The following TXNDC8 variants were observed in gnomAD, a reference collection of about 807,000 sequenced individuals.
TXNDC8 encodes the protein thioredoxin domain containing 8, also known as thioredoxin domain-containing protein 8.
In TXNDC8, 15 loss-of-function variants were observed where a neutral mutation model predicts 12.9. That is an observed-to-expected ratio of 1.16 (90% CI 0.78 to 1.79). The LOEUF (loss-of-function observed/expected upper bound fraction) is 1.79. Ranked by LOEUF, TXNDC8 falls within the 40% of genes most tolerant of loss-of-function variation. The pLI, the probability that TXNDC8 is intolerant of heterozygous loss-of-function variation, is 0.00. For missense variants in TXNDC8, 128 were observed against 113.2 expected, an observed-to-expected ratio of 1.13 and a Z score of -0.59; for synonymous variants, 40 against 35.4, an observed-to-expected ratio of 1.13 and a Z score of -0.46.
intron 3 of TXNDC8, among the ~76,000 whole-genome samples, chr9:110,306,810 A>G (rs10816965): frequency 0.12 from 17,689 of 152,242 alleles, 1,135 homozygotes; most frequent in African/African-American, 0.17. Flanking sequence ...AGTAACTCAT[A>G]GAGCCTTCCT....
At chr9:110,329,102 G>T in intron 2 of TXNDC8, 130 bp downstream of exon 3, 1 of 761,180 alleles carries the variant, frequency 1.3e-6, no homozygotes, top group Non-Finnish European at 2.2e-6. Flanking sequence ...GTTTACTGTA[G>T]TTATTAGAAA....
In TXNDC8 at chr9:110,336,525, C is replaced by T. The variant is rs764993074; in HGVS notation, c.24+1248G>A. On this transcript the variant is annotated intron_variant, in intron 1 of 4. Transcript: ENST00000423740. ...GACCCATGAACTTGACTTGACTAAA[C>T]TATCTGAAGGGAATACTCTCATAGT... Among the ~76,000 whole-genome samples the T allele has an allele frequency of 2.6e-5, 4 of 152,232 alleles. No homozygotes were observed. The East Asian group carries it at 7.7e-4, about 29-fold the overall frequency.
chr9:110,330,712 G>A (rs72759057), intron 2 of TXNDC8, among the ~76,000 whole-genome samples: 3,392 of 152,198 alleles, frequency 0.022, 52 homozygotes, highest in Non-Finnish European at 0.037. Flanking sequence ...GGAACTAGTT[G>A]CCCATCTGTT....
chr9:110,330,474 C>A (rs534904193), intron 2 of TXNDC8, among the ~76,000 whole-genome samples: 2 of 152,290 alleles, frequency 1.3e-5, no homozygotes, highest in African/African-American at 4.8e-5. Context: ...CTTTTTGAGG[C>A]TCATTTTTTG....
intron 3 of TXNDC8, among the ~76,000 whole-genome samples, chr9:110,316,537 G>A (rs1423326258): frequency 6.6e-6 from 1 of 152,100 alleles, no homozygotes; most frequent in Non-Finnish European, 1.5e-5. Context: ...TAAAGTTTTT[G>A]GAGGAGCTAA....
At chr9:110,313,915 A>T (rs1478175664) in intron 3 of TXNDC8, among the ~76,000 whole-genome samples, 1 of 152,218 alleles carries the variant, frequency 6.6e-6, no homozygotes, top group Admixed American at 6.5e-5. Flanking sequence ...ATGAGAGATC[A>T]GATGAAACCT....
At chr9:110,320,723 G>A (rs187344980) in intron 3 of TXNDC8, among the ~76,000 whole-genome samples, 18 of 152,324 alleles carry the variant, frequency 1.2e-4, no homozygotes, top group African/African-American at 3.8e-4. Flanking sequence ...TCCAATTTAT[G>A]AACAACTTAC....
intron 3 of TXNDC8, among the ~76,000 whole-genome samples, chr9:110,321,467 G>T (rs1049021703): frequency 7.2e-5 from 11 of 152,158 alleles, no homozygotes; most frequent in Non-Finnish European, 1.5e-5. Flanking sequence ...GTGGCTCTTT[G>T]CCAGATGTTT....
intron 2 of TXNDC8, among the ~76,000 whole-genome samples, chr9:110,331,615 C>G (rs1003141444): frequency 2.0e-5 from 3 of 151,872 alleles, no homozygotes; most frequent in African/African-American, 7.3e-5. Context: ...ATACCAGGGA[C>G]CAGTTTCATG....
At chr9:110,318,694 T>C (rs1196855652) in intron 3 of TXNDC8, among the ~76,000 whole-genome samples, 3 of 151,488 alleles carry the variant, frequency 2.0e-5, no homozygotes, top group East Asian at 1.9e-4. Flanking sequence ...GCTGAGATAG[T>C]GCCACTGCCC....
At chr9:110,314,425 C>CT (rs199602950) in intron 3 of TXNDC8, among the ~76,000 whole-genome samples, 1,647 of 142,784 alleles carry the variant, frequency 0.012, 34 homozygotes, top group African/African-American at 0.042. Flanking sequence ...TTTTCTTTTT[C>CT]TTTTTCTTTT....
In TXNDC8 at chr9:110,324,976, T is replaced by C. The variant is rs550487807; in HGVS notation, c.195+1199A>G. On this transcript the variant is annotated intron_variant, in intron 3 of 4. Coordinates refer to ENST00000423740, the MANE Select transcript of TXNDC8 (RefSeq NM_001286946.2). ...GAAATACAAAAATTAGCTGGGCATGTTGGTTCTTGCCTGTAATCCCAGCTA... is the reference window on the plus strand; with the variant it reads ...GAAATACAAAAATTAGCTGGGCATGCTGGTTCTTGCCTGTAATCCCAGCTA... Among the ~76,000 whole-genome samples, 3 of 152,196 alleles carry C rather than the reference T, an allele frequency of 2.0e-5. No individual in the cohort carries two copies. In the East Asian group the frequency reaches 5.8e-4, roughly 29 times the overall value.
At chr9:110,303,392 G>A (rs183854289), downstream of TXNDC8, 658 of 1,042,680 alleles carry the variant, frequency 6.3e-4, 1 homozygote, top group Non-Finnish European at 8.3e-4. Flanking sequence ...TTGCATTATG[G>A]TATTCAACCA....
At chr9:110,303,303 A>G (rs1428849498), downstream of TXNDC8, among the ~76,000 whole-genome samples, 1 of 152,240 alleles carries the variant, frequency 6.6e-6, no homozygotes, top group Admixed American at 6.5e-5. Context: ...TGCTCAGAGC[A>G]AGTGGGAAGC....
intron 3 of TXNDC8, among the ~76,000 whole-genome samples, chr9:110,316,384 G>T (rs1036530320): frequency 6.6e-6 from 1 of 152,140 alleles, no homozygotes; most frequent in African/African-American, 2.4e-5. Flanking sequence ...ATTACTGTTT[G>T]ATCCTATCTG....
intron 2 of TXNDC8, 67 bp from the exon 3 acceptor site, chr9:110,329,358 T>A (rs1475520706): frequency 1.5e-6 from 2 of 1,291,664 alleles, no homozygotes; most frequent in East Asian, 4.8e-5. Flanking sequence ...ACTGGAAGTG[T>A]CTTTTCAGTA....
chr9:110,320,895 C>G (rs1224700421), intron 3 of TXNDC8, among the ~76,000 whole-genome samples: 1 of 152,202 alleles, frequency 6.6e-6, no homozygotes, highest in African/African-American at 2.4e-5. Context: ...CAGGAAGGAA[C>G]AAGCTCCCCT....
At chr9:110,304,416 T>G in intron 4 of TXNDC8, 51 bp downstream of exon 5, 1 of 1,533,824 alleles carries the variant, frequency 6.5e-7, no homozygotes, top group East Asian at 2.3e-5. Context: ...TATTTATTCC[T>G]TCAAAGTAAA....
chr9:110,332,363 T>C (rs1020673500), intron 2 of TXNDC8, among the ~76,000 whole-genome samples: 5 of 152,210 alleles, frequency 3.3e-5, no homozygotes, highest in Admixed American at 1.3e-4. Flanking sequence ...GCCTCCCTTC[T>C]AGATATTCTA....
Sources: gnomAD v4.1 joint callset for allele counts (sites outside exome capture counted in the v4.1 genomes callset) on GRCh38, gnomAD v4.1.1 for gene constraint, MANE v1.5 for transcripts, NCBI Gene and HGNC (gene_info 2026-07-23, HGNC 2026-07-21) for gene names.